The following CERS3 variants were observed in gnomAD, a reference collection of about 807,000 sequenced individuals.
CERS3 encodes LAG1 homolog, ceramide synthase 3.
A neutral mutation model predicts 50.3 loss-of-function variants in CERS3; 33 were observed. The observed-to-expected ratio is 0.66, with a 90% CI of 0.50 to 0.88. CERS3 has a LOEUF of 0.88. CERS3 is among the 40% of genes least tolerant of loss of function. CERS3 has a pLI of 0.00. For synonymous variants in CERS3, 176 were observed against 155.2 expected (o/e 1.13, Z -0.99); for missense variants, 470 against 460.3 (o/e 1.02, Z -0.19).
intron 2 of CERS3, among the ~76,000 whole-genome samples, chr15:100,504,239 CTTTTTTT>C (rs55640205): frequency 9.1e-6 from 1 of 109,980 alleles, no homozygotes. Flanking sequence ...TTGGACTATT[CTTTTTTT>C]TTTTTTTTTT....
At chr15:100,481,396 G>A (rs146418868) in intron 5 of CERS3, among the ~76,000 whole-genome samples, 49 of 152,304 alleles carry the variant, frequency 3.2e-4, no homozygotes, top group African/African-American at 1.1e-3. Flanking sequence ...CAAAATGAAA[G>A]TTGAAACTTT....
At chr15:100,493,067 C>T (rs2035699757) in intron 3 of CERS3, among the ~76,000 whole-genome samples, 1 of 152,038 alleles carries the variant, frequency 6.6e-6, no homozygotes, top group Non-Finnish European at 1.5e-5. Flanking sequence ...TATACAATTG[C>T]CTTTTAAATC....
intron 4 of CERS3, among the ~76,000 whole-genome samples, chr15:100,486,449 T>C (rs1193380126): frequency 6.6e-6 from 1 of 152,190 alleles, no homozygotes; most frequent in Non-Finnish European, 1.5e-5. Flanking sequence ...GAGGGATGAT[T>C]TGAGGACCAA....
At chr15:100,476,063 A>C (rs1330257661) in intron 8 of CERS3, 23 bp downstream of exon 8, 28 of 1,477,446 alleles carry the variant, frequency 1.9e-5, no homozygotes, top group Admixed American at 4.8e-5. Flanking sequence ...TTGATAAAGA[A>C]GCTTTGTAAA....
intron 11 of CERS3, among the ~76,000 whole-genome samples, chr15:100,417,773 C>T (rs979448265): frequency 6.6e-6 from 1 of 151,798 alleles, no homozygotes; most frequent in East Asian, 1.9e-4. Flanking sequence ...GTCCCTGACC[C>T]CTGACCCCTG....
At chr15:100,450,188 A>G (rs1465038365) in intron 11 of CERS3, among the ~76,000 whole-genome samples, 2 of 152,138 alleles carry the variant, frequency 1.3e-5, no homozygotes, top group African/African-American at 2.4e-5. Flanking sequence ...TAGGAGGCCA[A>G]GGTGGGCAGA....
chr15:100,467,133 G>A (rs2034771771), intron 10 of CERS3, among the ~76,000 whole-genome samples: 1 of 152,016 alleles, frequency 6.6e-6, no homozygotes, highest in East Asian at 2.0e-4. Flanking sequence ...CGGGATATAG[G>A]CGTGAGCCAC....
At chr15:100,453,071 A>C (rs1056225273) in intron 11 of CERS3, among the ~76,000 whole-genome samples, 2 of 151,752 alleles carry the variant, frequency 1.3e-5, no homozygotes, top group African/African-American at 4.8e-5. Flanking sequence ...CAAATTTACA[A>C]AGAAGAATTT....
intron 11 of CERS3, among the ~76,000 whole-genome samples, chr15:100,410,162 C>T (rs559682328): frequency 4.6e-5 from 7 of 152,206 alleles, no homozygotes; most frequent in South Asian, 2.1e-4. Context: ...ATGATTTTTG[C>T]GAGGTCTTTT....
chr15:100,402,341 A>G lies in CERS3; in HGVS notation c.*372T>C. The G allele has an allele frequency of 5.9e-6, 1 of 169,994 alleles. No individual in the cohort carries two copies. The allele number at this position is 169,994 out of a possible 1,614,324, so 10.5% of individuals were successfully genotyped here. A position where few individuals can be genotyped will look rare whatever the true frequency, so the allele number is the denominator to read the frequency against. On this transcript the variant is annotated 3_prime_UTR_variant, in exon 12 of 12. Coordinates refer to ENST00000679737, the MANE Select transcript of CERS3 (RefSeq NM_001378789.1). ...TGGCCAAACACACCTGGGAAAAATG[A>G]GATCACTTAGCACCTGTGAAAGCGT... is the stretch of plus-strand genomic sequence containing the variant.
At chr15:100,474,651 C>T (rs1445654481) in intron 8 of CERS3, among the ~76,000 whole-genome samples, 5 of 152,258 alleles carry the variant, frequency 3.3e-5, no homozygotes, top group Non-Finnish European at 7.3e-5. Context: ...GATCCACCTG[C>T]CTCAGCCTCC....
At chr15:100,507,405 C>G (rs1294364479) in intron 2 of CERS3, among the ~76,000 whole-genome samples, 1 of 152,192 alleles carries the variant, frequency 6.6e-6, no homozygotes, top group Non-Finnish European at 1.5e-5. Flanking sequence ...GCTAAACACA[C>G]AAAGGAAGTG....
At chr15:100,542,885 A>C (rs2037235110) in intron 1 of CERS3, among the ~76,000 whole-genome samples, 1 of 152,118 alleles carries the variant, frequency 6.6e-6, no homozygotes, top group African/African-American at 2.4e-5. Context: ...TGTTTGTGAT[A>C]AACTCTGTTG....
chr15:100,484,833 C>T (rs2035439795), intron 4 of CERS3, among the ~76,000 whole-genome samples, 165 bp from the exon 5 acceptor site: 2 of 152,300 alleles, frequency 1.3e-5, no homozygotes, highest in Middle Eastern at 6.8e-3. Context: ...TATGGAATCA[C>T]ATATATGCAC....
intron 1 of CERS3, among the ~76,000 whole-genome samples, chr15:100,541,313 G>T (rs1338673878): frequency 6.6e-6 from 1 of 152,112 alleles, no homozygotes; most frequent in Non-Finnish European, 1.5e-5. Flanking sequence ...CTCTACTAAA[G>T]ATACAAAAAT....
intron 11 of CERS3, among the ~76,000 whole-genome samples, chr15:100,411,682 C>T (rs1366311194): frequency 6.6e-6 from 1 of 152,130 alleles, no homozygotes; most frequent in East Asian, 1.9e-4. Flanking sequence ...ATTGCTGGAT[C>T]ATGTGGTTAA....
chr15:100,509,158 C>G (rs904425740), intron 2 of CERS3, among the ~76,000 whole-genome samples: 6 of 152,098 alleles, frequency 3.9e-5, no homozygotes, highest in Non-Finnish European at 8.8e-5. Context: ...TTTCTAACCT[C>G]GTGGGTATAG....
At chr15:100,476,818 C>T (rs577467676) in intron 7 of CERS3, among the ~76,000 whole-genome samples, 1 of 152,184 alleles carries the variant, frequency 6.6e-6, no homozygotes, top group African/African-American at 2.4e-5. Context: ...CTTCTGATAT[C>T]TAAGCCCTTG....
At chr15:100,511,284 A>G (rs748399132) in intron 2 of CERS3, among the ~76,000 whole-genome samples, 1 of 152,172 alleles carries the variant, frequency 6.6e-6, no homozygotes, top group Non-Finnish European at 1.5e-5. Context: ...GCAAGACTCC[A>G]TCTCAAAGAA....
Sources: gnomAD v4.1 joint callset for allele counts (sites outside exome capture counted in the v4.1 genomes callset) on GRCh38, gnomAD v4.1.1 for gene constraint, MANE v1.5 for transcripts, NCBI Gene and HGNC (gene_info 2026-07-23, HGNC 2026-07-21) for gene names.